The following EPB41L4B variants were observed in gnomAD, a reference collection of about 807,000 sequenced individuals.
EPB41L4B encodes the protein erythrocyte membrane protein band 4.1 like 4B, also known as band 4.1-like protein 4B.
EPB41L4B carries 30 observed loss-of-function variants against 112.5 expected under a neutral mutation model. The ratio of observed to expected loss-of-function variants is 0.27; its 90% CI spans 0.20 to 0.36. EPB41L4B has a LOEUF of 0.36. Ranked by LOEUF, EPB41L4B falls within the 10% of genes least tolerant of loss-of-function variation. The pLI is 1.00. For missense variants in EPB41L4B, 1,024 were observed against 1,133.3 expected, an observed-to-expected ratio of 0.90 and a Z score of 1.38; for synonymous variants, 408 against 439.7, an observed-to-expected ratio of 0.93 and a Z score of 0.90.
intron 6 of EPB41L4B, 136 bp from the exon 7 acceptor site, chr9:109,258,433 A>C (rs893917): frequency 1.2e-6 from 1 of 857,928 alleles, no homozygotes; most frequent in Non-Finnish European, 1.8e-6. Context: ...TCCTTTCGGG[A>C]AGACTTAACT....
At chr9:109,303,261 A>C (rs528852687) in intron 1 of EPB41L4B, among the ~76,000 whole-genome samples, 8 of 152,258 alleles carry the variant, frequency 5.3e-5, no homozygotes, top group East Asian at 1.9e-4. Context: ...TAAAAAAAAA[A>C]CAATTTTTAA....
Position 109,286,209 on chromosome 9 carries a change from ATGGATGGATGGG to A in EPB41L4B, c.307-6300_307-6289del, listed in dbSNP as rs1449659532. On this transcript the variant is annotated intron_variant, in intron 1 of 25. Coordinates refer to ENST00000374566, the MANE Select transcript of EPB41L4B (RefSeq NM_019114.5). ...GATGGATGGGTGGATGGATGGATGG[ATGGATGGATGGG>A]TGGATGGATGGGTAGATGGATGGAT... Among the ~76,000 whole-genome samples the A allele has an allele frequency of 8.7e-3, 1,315 of 151,410 alleles. 19 individuals are homozygous for A. Among genetic ancestry groups the A allele is most frequent in the African/African-American group, 0.03 (1,247 of 41,096 alleles).
At chr9:109,261,128 G>A (rs922814528) in intron 6 of EPB41L4B, among the ~76,000 whole-genome samples, 2 of 152,194 alleles carry the variant, frequency 1.3e-5, no homozygotes, top group Non-Finnish European at 2.9e-5. Context: ...TGGCCGGAGT[G>A]CGGAGGCCAC....
At chr9:109,281,718 AAATAAATT>A (rs1249284153) in intron 1 of EPB41L4B, among the ~76,000 whole-genome samples, 3,576 of 118,022 alleles carry the variant, frequency 0.03, 49 homozygotes, top group South Asian at 0.064. Flanking sequence ...ATAAATAAAT[AAATAAATT>A]AATTAATTAA....
intron 19 of EPB41L4B, among the ~76,000 whole-genome samples, chr9:109,202,621 G>A (rs1025298474): frequency 6.6e-6 from 1 of 152,208 alleles, no homozygotes; most frequent in Non-Finnish European, 1.5e-5. Context: ...ATGCCAAGAA[G>A]GAAAGAGTTC....
rs185038840 is a variant in EPB41L4B at position 109,279,150 on chromosome 9, G to A, written c.411+667C>T. Among the ~76,000 whole-genome samples the A allele has an allele frequency of 4.6e-5, 7 of 151,818 alleles. No individual in the cohort carries two copies. The East Asian group carries it at 1.2e-3, about 25-fold the overall frequency. On this transcript the variant is annotated intron_variant, in intron 2 of 25. Coordinates refer to ENST00000374566, the MANE Select transcript of EPB41L4B (RefSeq NM_019114.5). The stretch of plus-strand genomic sequence containing the variant: ...AGAAGATGGTGGCACAGCCTCTTCT[G>A]CTGGTTAAAAATAAAAGCAGCACCA...
At chr9:109,178,610 G>A (rs1305130036) in intron 24 of EPB41L4B, among the ~76,000 whole-genome samples, 1 of 151,780 alleles carries the variant, frequency 6.6e-6, no homozygotes, top group African/African-American at 2.4e-5. Context: ...CACCATAACT[G>A]GGGTTTTTTT....
intron 23 of EPB41L4B, among the ~76,000 whole-genome samples, chr9:109,183,002 C>T (rs551912583): frequency 2.6e-5 from 4 of 152,290 alleles, no homozygotes; most frequent in African/African-American, 9.6e-5. Flanking sequence ...GACTGCAGGA[C>T]GGGCCTCAGC....
intron 13 of EPB41L4B, 116 bp downstream of exon 13, chr9:109,251,362 GAAA>G: frequency 3.1e-6 from 3 of 981,846 alleles, no homozygotes; most frequent in Non-Finnish European, 4.9e-6. Flanking sequence ...AGAAAAAGGG[GAAA>G]AAAATTACCA....
chr9:109,274,138 G>A (rs1835728516), intron 2 of EPB41L4B, among the ~76,000 whole-genome samples: 1 of 152,188 alleles, frequency 6.6e-6, no homozygotes, highest in Admixed American at 6.5e-5. Context: ...CAAGTCTTGA[G>A]ACAAAGGTCA....
intron 15 of EPB41L4B, among the ~76,000 whole-genome samples, chr9:109,229,720 G>A (rs961079035): frequency 1.3e-5 from 2 of 152,172 alleles, no homozygotes; most frequent in African/African-American, 4.8e-5. Context: ...AGCTGACAAG[G>A]ACCTCAGTAG....
intron 5 of EPB41L4B, among the ~76,000 whole-genome samples, chr9:109,264,039 T>TAG (rs370405426): frequency 0.018 from 2,639 of 145,600 alleles, 70 homozygotes; most frequent in African/African-American, 0.053. Flanking sequence ...GAGAGAGAGG[T>TAG]AGAGAGAGAG....
At chr9:109,290,039 G>A (rs893266480) in intron 1 of EPB41L4B, among the ~76,000 whole-genome samples, 13 of 152,130 alleles carry the variant, frequency 8.5e-5, no homozygotes, top group African/African-American at 2.7e-4. Flanking sequence ...AGTACCTAAC[G>A]GCACCTGTCC....
intron 12 of EPB41L4B, 79 bp downstream of exon 12, chr9:109,253,362 C>A: frequency 1.0e-6 from 1 of 969,576 alleles, no homozygotes; most frequent in South Asian, 1.4e-5. Flanking sequence ...TCTTCATAAG[C>A]TGCTTGACCA....
intron 20 of EPB41L4B, among the ~76,000 whole-genome samples, chr9:109,198,173 T>C (rs1361319181): frequency 1.3e-5 from 2 of 152,196 alleles, no homozygotes; most frequent in African/African-American, 4.8e-5. Flanking sequence ...CCTCTTTTCC[T>C]TTTCACAGGT....
intron 16 of EPB41L4B, among the ~76,000 whole-genome samples, chr9:109,214,102 C>T (rs896527687): frequency 6.6e-6 from 1 of 152,144 alleles, no homozygotes; most frequent in Admixed American, 6.5e-5. Context: ...AAATTACTTA[C>T]CTTGCAGGGT....
intron 1 of EPB41L4B, among the ~76,000 whole-genome samples, chr9:109,282,390 T>A (rs1836100433): frequency 1.3e-5 from 2 of 152,194 alleles, no homozygotes; most frequent in South Asian, 4.1e-4. Context: ...ATAGGCAAAC[T>A]GTATGACACG....
At position 109,173,741 on chromosome 9, in the gene EPB41L4B, T is replaced by C. The variant is rs1350368914; in HGVS notation, c.*813A>G. 1.3e-5 allele frequency: 2 copies of C among 152,666 alleles called. No individual in the cohort carries two copies. Among genetic ancestry groups the C allele is most frequent in the Non-Finnish European group, 2.9e-5 (2 of 68,044 alleles). The allele number at this position is 152,666 out of a possible 1,614,324, so 9.5% of individuals were successfully genotyped here. A position where few individuals can be genotyped will look rare whatever the true frequency, so the allele number is the denominator to read the frequency against. On this transcript the variant is annotated 3_prime_UTR_variant, in exon 26 of 26. Coordinates refer to ENST00000374566, the MANE Select transcript of EPB41L4B (RefSeq NM_019114.5). The stretch of plus-strand genomic sequence containing the variant: ...AGTTGTTCAAGTGCATTAATAAAAA[T>C]TTAAAAACACATTTCTTGAAACTAT...
intron 15 of EPB41L4B, among the ~76,000 whole-genome samples, chr9:109,239,182 G>T (rs1263211810): frequency 6.6e-6 from 1 of 152,196 alleles, no homozygotes; most frequent in African/African-American, 2.4e-5. Flanking sequence ...GAAGAGAGAA[G>T]AAAGCCCAAG....
Sources: gnomAD v4.1 joint callset for allele counts (sites outside exome capture counted in the v4.1 genomes callset) on GRCh38, gnomAD v4.1.1 for gene constraint, MANE v1.5 for transcripts, NCBI Gene and HGNC (gene_info 2026-07-23, HGNC 2026-07-21) for gene names.